XKR9: variants seen among roughly 807,000 people sequenced by gnomAD.
XKR9 encodes XK related 9.
XKR9 carries 32 observed loss-of-function variants against 32.0 expected under a neutral mutation model. That is an observed-to-expected ratio of 1.00 (90% CI 0.76 to 1.34). The LOEUF (loss-of-function observed/expected upper bound fraction) is 1.34, where lower values mean the gene tolerates loss of function less well. XKR9 is among the 40% of genes most tolerant of loss of function. The probability of loss-of-function intolerance (pLI) is 0.00; values close to 1 mark genes in which losing one functional copy is unlikely to be tolerated. For synonymous variants in XKR9, 168 were observed against 143.4 expected (o/e 1.17, Z -1.22); for missense variants, 546 against 429.7 (o/e 1.27, Z -2.39).
At chr8:70,864,966 A>G in the XKR9 span, among the ~76,000 whole-genome samples, 1 of 152,292 alleles carries the variant, frequency 6.6e-6, no homozygotes, top group East Asian at 1.9e-4. Flanking sequence ...GCCTTCATCC[A>G]GGCAAGGAAG....
intron 4 of XKR9, among the ~76,000 whole-genome samples, chr8:70,709,953 A>C (rs1490120408): frequency 6.6e-6 from 1 of 152,212 alleles, no homozygotes; most frequent in Non-Finnish European, 1.5e-5. Context: ...TCTCAAATTC[A>C]TATGAAACCA....
At chr8:70,793,101 T>C (rs1586900879), downstream of XKR9, among the ~76,000 whole-genome samples, 1 of 152,114 alleles carries the variant, frequency 6.6e-6, no homozygotes, top group East Asian at 1.9e-4. Context: ...GACTTCAGTG[T>C]TGTATATGGT....
At chr8:70,723,937 G>A (rs1014944438) in intron 4 of XKR9, among the ~76,000 whole-genome samples, 1 of 151,306 alleles carries the variant, frequency 6.6e-6, no homozygotes, top group Non-Finnish European at 1.5e-5. Context: ...CCAGGCGGGA[G>A]TGCAGTGGCG....
chr8:70,757,037 G>A (rs1175877099), intron 2 of XKR9, among the ~76,000 whole-genome samples: 4 of 152,006 alleles, frequency 2.6e-5, no homozygotes, highest in African/African-American at 9.7e-5. Flanking sequence ...TTTATTGAAT[G>A]TTTTTATCAT....
chr8:71,048,167 C>A, the XKR9 span, among the ~76,000 whole-genome samples: 25 of 152,124 alleles, frequency 1.6e-4, no homozygotes, highest in Admixed American at 1.5e-3. Flanking sequence ...TTATTTGATT[C>A]TCATCTAAAA....
the XKR9 span, among the ~76,000 whole-genome samples, chr8:70,993,842 G>T: frequency 2.6e-5 from 4 of 152,088 alleles, no homozygotes; most frequent in Admixed American, 2.6e-4. Flanking sequence ...GTGTATGTTT[G>T]GGGGGTGGCC....
At chr8:70,740,430 G>C (rs62530856), downstream of XKR9, among the ~76,000 whole-genome samples, 2 of 151,778 alleles carry the variant, frequency 1.3e-5, no homozygotes, top group East Asian at 1.9e-4. Context: ...CCTGTAGCTC[G>C]GAGTAGTTTG....
chr8:70,736,974 C>G (rs968880003), downstream of XKR9, among the ~76,000 whole-genome samples: 1 of 151,930 alleles, frequency 6.6e-6, no homozygotes, highest in African/African-American at 2.4e-5. Context: ...TCCATATGAA[C>G]TTTAAAGTAG....
the XKR9 span, among the ~76,000 whole-genome samples, chr8:71,031,343 A>G: frequency 6.6e-6 from 1 of 152,196 alleles, no homozygotes; most frequent in Non-Finnish European, 1.5e-5. Context: ...GTGTATGCAT[A>G]TACAGGACAT....
chr8:70,796,648 A>G, the XKR9 span, among the ~76,000 whole-genome samples: 1 of 152,188 alleles, frequency 6.6e-6, no homozygotes, highest in African/African-American at 2.4e-5. Flanking sequence ...TTTATTGACT[A>G]ATTTGACATT....
chr8:70,757,444 C>G (rs186048291), intron 2 of XKR9, among the ~76,000 whole-genome samples: 25 of 152,200 alleles, frequency 1.6e-4, no homozygotes, highest in Admixed American at 1.5e-3. Context: ...TTACACTTTG[C>G]AACTCCAGAA....
chr8:70,866,864 A>T, the XKR9 span, among the ~76,000 whole-genome samples: 1 of 152,222 alleles, frequency 6.6e-6, no homozygotes, highest in Non-Finnish European at 1.5e-5. Flanking sequence ...AACACTTTTC[A>T]TAAATTATTT....
intron 2 of XKR9, among the ~76,000 whole-genome samples, chr8:70,775,843 C>G (rs557649164): frequency 1.3e-5 from 2 of 151,386 alleles, no homozygotes; most frequent in Admixed American, 1.3e-4. Flanking sequence ...TTTTTGGGTT[C>G]AAGTGATCCT....
At chr8:71,041,800 G>C in the XKR9 span, among the ~76,000 whole-genome samples, 3 of 152,128 alleles carry the variant, frequency 2.0e-5, no homozygotes, top group East Asian at 5.8e-4. Flanking sequence ...AAGTTTCCTT[G>C]CTCCCCCTTC....
chr8:70,676,451 A>G (rs1245521293), intron 2 of XKR9, among the ~76,000 whole-genome samples: 2 of 152,254 alleles, frequency 1.3e-5, no homozygotes, highest in Non-Finnish European at 2.9e-5. Context: ...TGGTACTGGA[A>G]TAGTGATCAA....
chr8:70,956,434 C>T, the XKR9 span, among the ~76,000 whole-genome samples: 1 of 152,112 alleles, frequency 6.6e-6, no homozygotes, highest in African/African-American at 2.4e-5. Context: ...AAGCATCATC[C>T]AATTGGCCGA....
chr8:71,013,541 G>C, the XKR9 span, among the ~76,000 whole-genome samples: 5 of 152,210 alleles, frequency 3.3e-5, no homozygotes, highest in African/African-American at 1.2e-4. Flanking sequence ...AGCCAGCAGA[G>C]TTGTTGCTAG....
chr8:70,782,792 A>T (rs1807634409), intron 2 of XKR9, among the ~76,000 whole-genome samples: 1 of 152,104 alleles, frequency 6.6e-6, no homozygotes, highest in Non-Finnish European at 1.5e-5. Flanking sequence ...CCTACTGCGT[A>T]TGTAGACCAC....
the XKR9 span, among the ~76,000 whole-genome samples, chr8:70,873,816 C>G: frequency 6.6e-6 from 1 of 152,200 alleles, no homozygotes; most frequent in African/African-American, 2.4e-5. Flanking sequence ...GAAAGAAGTT[C>G]TATTGTGTAT....
Sources: gnomAD v4.1 joint callset for allele counts (sites outside exome capture counted in the v4.1 genomes callset) on GRCh38, gnomAD v4.1.1 for gene constraint, MANE v1.5 for transcripts, NCBI Gene and HGNC (gene_info 2026-07-23, HGNC 2026-07-21) for gene names.